Variants in EPB41L5 observed in about 807,000 individuals in gnomAD.
The protein encoded by EPB41L5 is erythrocyte membrane protein band 4.1 like 5, also known as band 4.1-like protein 5.
Under a neutral mutation model 106.6 loss-of-function variants are expected in EPB41L5, and 55 were observed. The observed-to-expected ratio is 0.52, with a 90% CI of 0.42 to 0.65. EPB41L5 has a LOEUF of 0.65. Among genes scored for constraint, EPB41L5 ranks in the 30% least tolerant of loss-of-function variants. EPB41L5 has a pLI of 0.00. For synonymous variants in EPB41L5, 297 were observed against 306.7 expected, an observed-to-expected ratio of 0.97 and a Z score of 0.33; for missense variants, 871 against 882.1, an observed-to-expected ratio of 0.99 and a Z score of 0.16.
At chr2:120,158,245 T>C (rs1435480838) in intron 20 of EPB41L5, among the ~76,000 whole-genome samples, 1 of 152,250 alleles carries the variant, frequency 6.6e-6, no homozygotes. Context: ...TAACTCATTC[T>C]GTGAAGCCAG....
chr2:120,019,502 G>A (rs554894244), intron 2 of EPB41L5, among the ~76,000 whole-genome samples: 1 of 152,280 alleles, frequency 6.6e-6, no homozygotes, highest in South Asian at 2.1e-4. Context: ...TTAAATGACA[G>A]GGCAGTTATT....
intron 3 of EPB41L5, among the ~76,000 whole-genome samples, chr2:120,056,705 T>C (rs1451175675): frequency 2.6e-5 from 4 of 151,602 alleles, no homozygotes; most frequent in Admixed American, 2.6e-4. Flanking sequence ...GGTGTAATGC[T>C]GGTCTTGTAG....
chr2:120,159,322 C>G (rs1439347957), intron 20 of EPB41L5, among the ~76,000 whole-genome samples: 1 of 148,366 alleles, frequency 6.7e-6, no homozygotes, highest in Non-Finnish European at 1.5e-5. Flanking sequence ...ACTCGGGAGG[C>G]TGAGGCAGGA....
chr2:120,015,040 T>A, intron 1 of EPB41L5, among the ~76,000 whole-genome samples: 1 of 149,856 alleles, frequency 6.7e-6, no homozygotes, highest in East Asian at 2.0e-4. Context: ...TAAAAAAAAT[T>A]AGGCCAGGCG....
chr2:120,081,019 A>G (rs894372966), intron 10 of EPB41L5, among the ~76,000 whole-genome samples: 12 of 152,280 alleles, frequency 7.9e-5, no homozygotes, highest in Admixed American at 3.3e-4. Context: ...GCACTTTGTC[A>G]GATGGGTAGA....
intron 16 of EPB41L5, among the ~76,000 whole-genome samples, chr2:120,103,540 T>A (rs1455024723): frequency 6.6e-6 from 1 of 152,194 alleles, no homozygotes; most frequent in Non-Finnish European, 1.5e-5. Flanking sequence ...GAAGGTAGAT[T>A]TTTTATTTTT....
chr2:120,018,096 G>A (rs549611828), intron 1 of EPB41L5, among the ~76,000 whole-genome samples: 258 of 152,178 alleles, frequency 1.7e-3, no homozygotes, highest in African/African-American at 6.1e-3. Context: ...CGGTAGCTGG[G>A]ACTACAGGCG....
chr2:120,172,604 A>G lies in EPB41L5; in HGVS notation c.2136-2237A>G, dbSNP rs555759234. 1.3e-4 allele frequency among the ~76,000 whole-genome samples: 20 copies of G among 152,322 alleles called. No homozygotes were observed. In the South Asian group the frequency reaches 3.9e-3, roughly 30 times the overall value. On this transcript the variant is annotated intron_variant, in intron 24 of 24. Transcript: ENST00000263713. ...GACATACAGTTTCCCTAAAATATAT[A>G]CTTTCCATGTAGCCTTCCTCAGGAA...
chr2:120,157,872 A>C (rs1686968601), intron 20 of EPB41L5, among the ~76,000 whole-genome samples: 1 of 152,104 alleles, frequency 6.6e-6, no homozygotes, highest in South Asian at 2.1e-4. Context: ...AATGAAGAAA[A>C]GAGAGAGGAT....
At position 120,073,160 on chromosome 2, in the gene EPB41L5, T is replaced by C; in HGVS notation, c.286-18T>C. ...GTTCTGTCATCTGCTTAACTAAATT[T>C]TTGTTTTTGTTTTTCAGCATTGGTT... On this transcript the variant is annotated intron_variant, in intron 3 of 24. Transcript: ENST00000263713. The C allele has an allele frequency of 6.2e-7, 1 of 1,600,572 alleles. No individual in the cohort carries two copies. The highest frequency in any genetic ancestry group is 8.5e-7 in the Non-Finnish European group (1 of 1,176,802).
chr2:120,054,781 G>T (rs1411186093), intron 3 of EPB41L5, among the ~76,000 whole-genome samples: 1 of 151,704 alleles, frequency 6.6e-6, no homozygotes, highest in African/African-American at 2.4e-5. Context: ...CATGCTTGTT[G>T]GAAATCTATT....
intron 3 of EPB41L5, among the ~76,000 whole-genome samples, chr2:120,060,363 A>C (rs1680949663): frequency 6.6e-6 from 1 of 152,230 alleles, no homozygotes; most frequent in South Asian, 2.1e-4. Flanking sequence ...TGAAACAACC[A>C]CAGTGTCCTA....
At chr2:120,138,994 A>G (rs777881539) in intron 18 of EPB41L5, among the ~76,000 whole-genome samples, 16 of 152,060 alleles carry the variant, frequency 1.1e-4, no homozygotes, top group Non-Finnish European at 1.9e-4. Flanking sequence ...ACATAGACCA[A>G]TGTAACAGAA....
chr2:120,148,675 C>T (rs927720014), intron 20 of EPB41L5, among the ~76,000 whole-genome samples: 2 of 152,096 alleles, frequency 1.3e-5, no homozygotes, highest in African/African-American at 4.8e-5. Flanking sequence ...CATATTGTAG[C>T]ATATGTTGGT....
At chr2:120,028,137 T>C (rs1678463314) in intron 2 of EPB41L5, among the ~76,000 whole-genome samples, 1 of 152,168 alleles carries the variant, frequency 6.6e-6, no homozygotes, top group Admixed American at 6.5e-5. Context: ...GTGCTGGGAT[T>C]ACAGGCGTGA....
chr2:120,020,577 G>T (rs1458708628), intron 2 of EPB41L5, among the ~76,000 whole-genome samples: 2 of 110,964 alleles, frequency 1.8e-5, no homozygotes, highest in Non-Finnish European at 4.2e-5. Context: ...CTTCTTGAGG[G>T]TTTATCAGAC....
intron 20 of EPB41L5, among the ~76,000 whole-genome samples, chr2:120,160,353 A>G (rs1009241353): frequency 6.6e-6 from 1 of 152,036 alleles, no homozygotes; most frequent in Admixed American, 6.6e-5. Flanking sequence ...TAAAATATTG[A>G]TGCACTATAG....
intron 10 of EPB41L5, among the ~76,000 whole-genome samples, chr2:120,086,127 G>C (rs1683037692): frequency 6.6e-6 from 1 of 152,154 alleles, no homozygotes; most frequent in Admixed American, 6.5e-5. Flanking sequence ...CTTGAACCTG[G>C]GAGGTGGAGG....
intron 16 of EPB41L5, among the ~76,000 whole-genome samples, chr2:120,101,219 G>A (rs114321768): frequency 0.012 from 1,827 of 152,264 alleles, 38 homozygotes; most frequent in African/African-American, 0.041. Flanking sequence ...CTTTGAATGT[G>A]TTTTTCTCAT....
Sources: gnomAD v4.1 joint callset for allele counts (sites outside exome capture counted in the v4.1 genomes callset) on GRCh38, gnomAD v4.1.1 for gene constraint, MANE v1.5 for transcripts, NCBI Gene and HGNC (gene_info 2026-07-23, HGNC 2026-07-21) for gene names.